The following SMYD3 variants were observed in gnomAD, a reference collection of about 807,000 sequenced individuals.
SMYD3 encodes SET and MYND domain containing 3.
In SMYD3, 36 loss-of-function variants were observed where a neutral mutation model predicts 57.7. The ratio of observed to expected loss-of-function variants is 0.62; its 90% CI spans 0.48 to 0.82. The LOEUF (loss-of-function observed/expected upper bound fraction) is 0.82, where lower values mean the gene tolerates loss of function less well. SMYD3 is among the 40% of genes least tolerant of loss of function. SMYD3 has a pLI of 0.00. For missense variants in SMYD3, 515 were observed against 538.8 expected, an observed-to-expected ratio of 0.96 and a Z score of 0.44; for synonymous variants, 211 against 195.0, an observed-to-expected ratio of 1.08 and a Z score of -0.68.
chr1:246,478,229 TAGG>T (rs1307906257), intron 1 of SMYD3, among the ~76,000 whole-genome samples: 10 of 152,272 alleles, frequency 6.6e-5, no homozygotes, highest in African/African-American at 2.4e-4. Context: ...CTTTAAATGA[TAGG>T]AGATTTCACT....
At chr1:245,781,178 A>G (rs1299206067) in intron 10 of SMYD3, among the ~76,000 whole-genome samples, 1 of 152,208 alleles carries the variant, frequency 6.6e-6, no homozygotes, top group Non-Finnish European at 1.5e-5. Flanking sequence ...ATTTTTGCAC[A>G]ACCATAAAAA....
intron 10 of SMYD3, among the ~76,000 whole-genome samples, chr1:245,828,661 T>C (rs144156556): frequency 1.2e-3 from 176 of 152,196 alleles, no homozygotes; most frequent in Middle Eastern, 6.8e-3. Context: ...CTGATGCAGA[T>C]AGAAGAGGCT....
intron 5 of SMYD3, among the ~76,000 whole-genome samples, chr1:246,290,183 A>G (rs2064660823): frequency 6.6e-6 from 1 of 152,174 alleles, no homozygotes; most frequent in African/African-American, 2.4e-5. Context: ...TCCAGCAAAA[A>G]CTGGAGAAAA....
chr1:245,852,026 C>G (rs1397131378), intron 10 of SMYD3, among the ~76,000 whole-genome samples: 1 of 152,186 alleles, frequency 6.6e-6, no homozygotes, highest in Non-Finnish European at 1.5e-5. Context: ...ATCCTTAAGA[C>G]AGATGGGAAA....
At chr1:246,495,612 C>G (rs1311663537) in intron 1 of SMYD3, among the ~76,000 whole-genome samples, 1 of 152,082 alleles carries the variant, frequency 6.6e-6, no homozygotes, top group Admixed American at 6.6e-5. Flanking sequence ...GTTGCTTTCT[C>G]TTATCAGTTT....
rs894168123 is a variant in SMYD3 at position 246,118,542 on chromosome 1, C to T, written c.532-188605G>A. On this transcript the variant is annotated intron_variant, in intron 5 of 11. Transcript: ENST00000490107. ...ACTGACGCTTACTCAAGAATGTCAGCGATGGGAAACATTAAACGCACAAAC... is the reference window on the plus strand; with the variant it reads ...ACTGACGCTTACTCAAGAATGTCAGTGATGGGAAACATTAAACGCACAAAC... Among the ~76,000 whole-genome samples, 6 of 152,158 alleles carry T rather than the reference C, an allele frequency of 3.9e-5. 1 individual carries two copies. In the South Asian group the frequency reaches 6.2e-4, roughly 16 times the overall value.
rs111754912 is a variant in SMYD3, at chr1:246,137,104, T to A, written c.531+190097A>T. ...CTAGAATTTTGGATTTGGGTTTTTT[T>A]AATTGTTATATAAGTCACGTGCTGT... On this transcript the variant is annotated intron_variant, in intron 5 of 11. Transcript: ENST00000490107. 7.8e-3 allele frequency among the ~76,000 whole-genome samples: 1,182 copies of A among 152,324 alleles called. 11 individuals are homozygous for A. The highest frequency in any genetic ancestry group is 0.026 in the African/African-American group (1,100 of 41,566).
intron 5 of SMYD3, among the ~76,000 whole-genome samples, chr1:246,062,402 G>A (rs1036724394): frequency 1.1e-4 from 17 of 152,140 alleles, no homozygotes; most frequent in African/African-American, 4.1e-4. Flanking sequence ...TGCAATTACA[G>A]AACTCCTAAA....
At chr1:246,106,147 T>G (rs187140331) in intron 5 of SMYD3, among the ~76,000 whole-genome samples, 1 of 152,136 alleles carries the variant, frequency 6.6e-6, no homozygotes, top group African/African-American at 2.4e-5. Context: ...TGTTAACCCA[T>G]ATCCGGAAAA....
chr1:245,889,228 A>C (rs183424008), intron 8 of SMYD3, among the ~76,000 whole-genome samples: 2 of 152,348 alleles, frequency 1.3e-5, no homozygotes, highest in East Asian at 3.9e-4. Context: ...AGCCCGATTA[A>C]CAGATAAGGG....
chr1:246,364,472 G>A (rs1355708460), intron 1 of SMYD3, among the ~76,000 whole-genome samples: 1 of 152,092 alleles, frequency 6.6e-6, no homozygotes, highest in African/African-American at 2.4e-5. Flanking sequence ...TCTGTATAAG[G>A]TAAGCAGTCT....
chr1:246,363,966 A>G (rs1339996518), intron 1 of SMYD3, among the ~76,000 whole-genome samples: 1 of 152,224 alleles, frequency 6.6e-6, no homozygotes, highest in Non-Finnish European at 1.5e-5. Flanking sequence ...AGAGAGAGGC[A>G]GGAGGCTTAG....
At chr1:246,480,981 G>A (rs2068091951) in intron 1 of SMYD3, among the ~76,000 whole-genome samples, 1 of 151,966 alleles carries the variant, frequency 6.6e-6, no homozygotes, top group Non-Finnish European at 1.5e-5. Flanking sequence ...TGTATTTTTA[G>A]TAGAGACAGG....
intron 5 of SMYD3, among the ~76,000 whole-genome samples, chr1:246,234,994 A>G (rs2063490449): frequency 6.6e-6 from 1 of 152,204 alleles, no homozygotes; most frequent in Non-Finnish European, 1.5e-5. Context: ...ATTACTGAAA[A>G]GTGGAATGTG....
chr1:246,133,633 C>T lies in SMYD3; in HGVS notation c.531+193568G>A, dbSNP rs12075481. On this transcript the variant is annotated intron_variant, in intron 5 of 11. Coordinates refer to ENST00000490107, the MANE Select transcript of SMYD3 (RefSeq NM_001167740.2). Reference sequence around the variant, plus strand: ...TGTCATCACGATTGGCTGATACTAACGGAAGCAGGGGTGTGGCTTTATTAA... The same window carrying T: ...TGTCATCACGATTGGCTGATACTAATGGAAGCAGGGGTGTGGCTTTATTAA... 3.0e-3 allele frequency among the ~76,000 whole-genome samples: 456 copies of T among 152,174 alleles called. 3 individuals carry two copies. The highest frequency in any genetic ancestry group is 0.01 in the African/African-American group (427 of 41,548).
intron 5 of SMYD3, among the ~76,000 whole-genome samples, chr1:246,281,851 C>T (rs2064449194): frequency 6.6e-6 from 1 of 151,976 alleles, no homozygotes; most frequent in African/African-American, 2.4e-5. Flanking sequence ...AATGCTATGT[C>T]AATACAGCTC....
chr1:245,793,183 C>G (rs1180649463), intron 10 of SMYD3, among the ~76,000 whole-genome samples: 2 of 151,028 alleles, frequency 1.3e-5, no homozygotes, highest in African/African-American at 4.9e-5. Flanking sequence ...GTGGCGGGTG[C>G]CTGTAGTCCC....
intron 5 of SMYD3, among the ~76,000 whole-genome samples, chr1:246,134,873 G>C (rs75701555): frequency 1.5e-3 from 228 of 149,992 alleles, no homozygotes; most frequent in African/African-American, 5.5e-3. Flanking sequence ...TTTAAAGTGT[G>C]CTTGTTTGCA....
intron 5 of SMYD3, among the ~76,000 whole-genome samples, chr1:246,017,221 T>C (rs889633274): frequency 2.6e-5 from 4 of 152,196 alleles, no homozygotes; most frequent in Admixed American, 2.6e-4. Context: ...AATAGAATAG[T>C]ATAACTTATT....
Sources: gnomAD v4.1 joint callset for allele counts (sites outside exome capture counted in the v4.1 genomes callset) on GRCh38, gnomAD v4.1.1 for gene constraint, MANE v1.5 for transcripts, NCBI Gene and HGNC (gene_info 2026-07-23, HGNC 2026-07-21) for gene names.